The following TBXAS1 variants were observed in gnomAD, a reference collection of about 807,000 sequenced individuals.
TBXAS1 encodes thromboxane A synthase 1, also known as thromboxane-A synthase.
Under a neutral mutation model 60.7 loss-of-function variants are expected in TBXAS1, and 48 were observed. The observed-to-expected ratio is 0.79, with a 90% confidence interval of 0.63 to 1.01. TBXAS1 has a LOEUF of 1.01. Ranked by LOEUF, TBXAS1 falls within the 50% of genes least tolerant of loss-of-function variation. The pLI, the probability that TBXAS1 is intolerant of heterozygous loss-of-function variation, is 0.00. For missense variants in TBXAS1, 685 were observed against 686.3 expected, an observed-to-expected ratio of 1.00 and a Z score of 0.02; for synonymous variants, 287 against 269.7, an observed-to-expected ratio of 1.06 and a Z score of -0.63.
At chr7:139,834,080 A>G (rs949785526) in intron 1 of TBXAS1, among the ~76,000 whole-genome samples, 5 of 152,218 alleles carry the variant, frequency 3.3e-5, no homozygotes, top group Non-Finnish European at 5.9e-5. Context: ...GCCTCAATAA[A>G]TTTAAGAAAA....
intron 9 of TBXAS1, among the ~76,000 whole-genome samples, chr7:139,993,877 T>G (rs994694476): frequency 1.9e-4 from 28 of 150,496 alleles, no homozygotes; most frequent in African/African-American, 6.1e-4. Flanking sequence ...CTTTGCTTTT[T>G]CTTTTTCTTT....
At chr7:139,788,800 TAGACAAC>T (rs1797283492) in intron 4 of TBXAS1, among the ~76,000 whole-genome samples, 1 of 152,218 alleles carries the variant, frequency 6.6e-6, no homozygotes, top group Admixed American at 6.5e-5. Flanking sequence ...GGCCAGGTGT[TAGACAAC>T]AGTTAATACA....
rs778629075 is a variant in TBXAS1, at chr7:139,872,346, T to C, written c.183+18T>C. The C allele has an allele frequency of 3.1e-6, 5 of 1,610,320 alleles. No homozygotes were observed. In the East Asian group the frequency reaches 8.9e-5, roughly 29 times the overall value. The stretch of plus-strand genomic sequence containing the variant: ...TCCGCCAGGTAAGGGCTGTCTTCCA[T>C]TGGCTTCCATCATAAAATATGCTGA... On this transcript the variant is annotated intron_variant, in intron 2 of 12. Transcript: ENST00000448866.
At chr7:139,951,838 A>AGAAGGAAGGAAGGAAGGAAG (rs1458964901) in intron 5 of TBXAS1, among the ~76,000 whole-genome samples, 1 of 26,872 alleles carries the variant, frequency 3.7e-5, no homozygotes, top group African/African-American at 1.4e-4. Context: ...GAGGAAAGAA[A>AGAAGGAAGGAAGGAAGGAAG]GAAAGAAGGA....
At chr7:139,806,978 C>T (rs371741492) in intron 4 of TBXAS1, among the ~76,000 whole-genome samples, 1 of 152,220 alleles carries the variant, frequency 6.6e-6, no homozygotes, top group African/African-American at 2.4e-5. Flanking sequence ...ACAGCACACA[C>T]TCCCATATGG....
At chr7:139,877,565 G>A (rs1454140608) in intron 3 of TBXAS1, among the ~76,000 whole-genome samples, 1 of 151,828 alleles carries the variant, frequency 6.6e-6, no homozygotes, top group East Asian at 1.9e-4. Flanking sequence ...TGGGATTACA[G>A]GCGCCCGCCA....
At chr7:139,803,941 G>A (rs1437121256) in intron 4 of TBXAS1, among the ~76,000 whole-genome samples, 1 of 152,230 alleles carries the variant, frequency 6.6e-6, no homozygotes, top group East Asian at 1.9e-4. Context: ...CTCTGCTAGG[G>A]CAGTGCAGAA....
At chr7:139,796,037 C>T (rs1797559478) in intron 4 of TBXAS1, among the ~76,000 whole-genome samples, 1 of 152,188 alleles carries the variant, frequency 6.6e-6, no homozygotes, top group Non-Finnish European at 1.5e-5. Context: ...TGTGTCTAAT[C>T]TCAGGGGATC....
At chr7:139,798,756 G>A (rs779329463) in intron 4 of TBXAS1, among the ~76,000 whole-genome samples, 17 of 152,342 alleles carry the variant, frequency 1.1e-4, no homozygotes, top group African/African-American at 2.9e-4. Context: ...AATGAATTAC[G>A]TAGAGTGGTG....
upstream of TBXAS1, among the ~76,000 whole-genome samples, chr7:139,825,223 C>T (rs1798407289): frequency 6.6e-6 from 1 of 152,044 alleles, no homozygotes; most frequent in Non-Finnish European, 1.5e-5. Context: ...TGACCTTCAT[C>T]CTAGAAAAAC....
chr7:139,976,994 T>C (rs927309331), intron 9 of TBXAS1, among the ~76,000 whole-genome samples: 1 of 151,778 alleles, frequency 6.6e-6, no homozygotes, highest in Non-Finnish European at 1.5e-5. Flanking sequence ...AAAACAAACA[T>C]ACAAAACAAA....
At chr7:139,986,565 C>T (rs529765456) in intron 9 of TBXAS1, among the ~76,000 whole-genome samples, 15 of 151,324 alleles carry the variant, frequency 9.9e-5, no homozygotes, top group African/African-American at 3.6e-4. Flanking sequence ...CATTCTTATG[C>T]CTTTGCATCC....
At chr7:140,005,601 GA>G (rs1814015954) in intron 9 of TBXAS1, among the ~76,000 whole-genome samples, 1 of 152,138 alleles carries the variant, frequency 6.6e-6, no homozygotes, top group African/African-American at 2.4e-5. Flanking sequence ...TCTAAAGTTA[GA>G]ACCGTTCCCA....
intron 9 of TBXAS1, among the ~76,000 whole-genome samples, chr7:139,980,827 C>T (rs1811913594): frequency 2.6e-5 from 4 of 151,962 alleles, no homozygotes; most frequent in Middle Eastern, 3.4e-3. Flanking sequence ...CGGTCTGCCT[C>T]TAGGCTTCAC....
intron 3 of TBXAS1, among the ~76,000 whole-genome samples, chr7:139,906,698 T>A (rs1359233803): frequency 6.6e-6 from 1 of 152,252 alleles, no homozygotes; most frequent in Non-Finnish European, 1.5e-5. Context: ...TAAACTGATA[T>A]GCCAGTTTTG....
At chr7:139,935,099 C>T (rs1569515628) in intron 4 of TBXAS1, among the ~76,000 whole-genome samples, 1 of 152,226 alleles carries the variant, frequency 6.6e-6, no homozygotes. Flanking sequence ...TAGGCGTGAG[C>T]CACCACTCTC....
intron 3 of TBXAS1, among the ~76,000 whole-genome samples, chr7:139,783,830 C>G (rs1364911596): frequency 2.0e-5 from 3 of 152,160 alleles, no homozygotes; most frequent in Non-Finnish European, 1.5e-5. Flanking sequence ...TTAGGACTGA[C>G]TCTTTGCTCT....
chr7:139,829,155 G>A (rs751050769), upstream of TBXAS1: 7 of 651,870 alleles, frequency 1.1e-5, no homozygotes, highest in South Asian at 9.1e-5. Context: ...CAGTCATCAA[G>A]GAATAAAGTT....
At position 139,955,595 on chromosome 7, in the gene TBXAS1, C is replaced by G; in HGVS notation, c.676C>G (p.Leu226Val). Residue 226 changes from leucine to valine, a missense_variant, in exon 7 of 13, where the codon CTG (leucine) becomes GTG (valine). Physicochemically the swap from Leu to Val is conservative, Grantham distance 32. Transcript: ENST00000448866. ...CGAATTCTGCATCCCCAGACCTATCCTGGTTTTACTCTGTAAGTGCGGCTG... is the reference window on the plus strand; with the variant it reads ...CGAATTCTGCATCCCCAGACCTATCGTGGTTTTACTCTGTAAGTGCGGCTG... ...FFEFCIPRPI[L>V]VLLLSFPSIM... is the part of the protein sequence containing the mutation. 1 of 1,614,194 alleles carries G rather than the reference C, an allele frequency of 6.2e-7. No individual in the cohort carries two copies. Among genetic ancestry groups the G allele is most frequent in the Non-Finnish European group, 8.5e-7 (1 of 1,180,040 alleles).
Sources: gnomAD v4.1 joint callset for allele counts (sites outside exome capture counted in the v4.1 genomes callset) on GRCh38, gnomAD v4.1.1 for gene constraint, MANE v1.5 for transcripts, NCBI Gene and HGNC (gene_info 2026-07-23, HGNC 2026-07-21) for gene names.